The following HNRNPL variants were observed in gnomAD, a reference collection of about 807,000 sequenced individuals.
HNRNPL encodes epididymis secretory sperm binding protein.
A neutral mutation model predicts 64.0 loss-of-function variants in HNRNPL; 12 were observed. The observed-to-expected ratio is 0.19, with a 90% CI of 0.12 to 0.30. The LOEUF is 0.30. Ranked by LOEUF, HNRNPL falls within the 10% of genes least tolerant of loss-of-function variation. HNRNPL has a pLI of 1.00. For missense variants in HNRNPL, 484 were observed against 797.4 expected (o/e 0.61, Z 4.73); for synonymous variants, 385 against 313.0 (o/e 1.23, Z -2.43).
chr19:38,837,032 G>C (rs1028203994), intron 12 of HNRNPL: 2 of 540,300 alleles, frequency 3.7e-6, no homozygotes, highest in Non-Finnish European at 6.6e-6. Flanking sequence ...GCCTCTCCCA[G>C]CAACTGGGTG....
At chr19:38,842,071 T>C (rs1972134212) in intron 6 of HNRNPL, 1 of 130,182 alleles carries the variant, frequency 7.7e-6, no homozygotes, top group South Asian at 2.2e-4. Flanking sequence ...AGGTCTGTTT[T>C]GGTTTTTTTG....
chr19:38,837,435 C>T lies in HNRNPL; in HGVS notation c.1660G>A (p.Asp554Asn), dbSNP rs777969085. 9 of 1,614,230 alleles carry T rather than the reference C, an allele frequency of 5.6e-6. No homozygotes were observed. The South Asian group carries it at 6.6e-5, about 12-fold the overall frequency. ...AGGAAGCCCAGAGTCTCCAGGGCAT[C>T]GCTCTTGGATTCCCACTCCAGCAGT... ...SGLLEWESKS[D>N]ALETLGFLNH... is the part of the protein sequence containing the mutation. Residue 554 changes from aspartate to asparagine, a missense_variant, in exon 12 of 13, where the codon GAT (aspartate) becomes AAT (asparagine). Physicochemically the swap from Asp to Asn is conservative, Grantham distance 23. Coordinates refer to ENST00000221419, the MANE Select transcript of HNRNPL (RefSeq NM_001533.3).
At chr19:38,848,363 G>A (rs917630992) in intron 1 of HNRNPL, among the ~76,000 whole-genome samples, 2 of 152,214 alleles carry the variant, frequency 1.3e-5, no homozygotes, top group Admixed American at 1.3e-4. Flanking sequence ...AAAGTGCTGG[G>A]ATTATAGGCA....
intron 6 of HNRNPL, chr19:38,840,778 G>A (rs952121872): frequency 1.4e-5 from 8 of 568,554 alleles, no homozygotes; most frequent in Middle Eastern, 4.4e-4. Context: ...CATACCAAAG[G>A]GCTGGCCTTG....
At chr19:38,851,845 G>A (rs1235143717), upstream of HNRNPL, among the ~76,000 whole-genome samples, 2 of 152,132 alleles carry the variant, frequency 1.3e-5, no homozygotes, top group Non-Finnish European at 2.9e-5. Context: ...AGGGGAGGGG[G>A]CCTTGCTGGG....
chr19:38,840,865 T>C (rs982139602), intron 6 of HNRNPL: 1 of 413,400 alleles, frequency 2.4e-6, no homozygotes, highest in Admixed American at 4.6e-5. Context: ...CCAGGCCCTC[T>C]GGGGAATGTG....
At chr19:38,840,620 T>C (rs991268339) in intron 6 of HNRNPL, 61 bp from the exon 7 acceptor site, 3 of 1,327,152 alleles carry the variant, frequency 2.3e-6, no homozygotes, top group Admixed American at 2.0e-5. Context: ...CCCTCCCTCC[T>C]GACTGCACAG....
Position 38,849,737 on chromosome 19 carries a change from C to A in HNRNPL, c.230G>T (p.Gly77Val). 3.6e-6 allele frequency: 5 copies of A among 1,388,932 alleles called. No individual in the cohort carries two copies. The highest frequency in any genetic ancestry group is 4.7e-6 in the Non-Finnish European group (5 of 1,073,474). The allele number at this position is 1,388,932 out of a possible 1,614,324, so 86.0% of individuals were successfully genotyped here. ...GCCGCCCGCCGCCCCGGCTCCTCCACCGCCACCGCCGCCGCCTCCGTGCTG... is the reference window on the plus strand; with the variant it reads ...GCCGCCCGCCGCCCCGGCTCCTCCAACGCCACCGCCGCCGCCTCCGTGCTG... ...GDQHGGGGGG[G>V]GGAGAAGGGG... The change falls in exon 1 of 13, where the codon GGT (glycine) becomes GTT (valine). Residue 77 changes from glycine (G) to valine (V), a missense_variant. Physicochemically the swap from Gly to Val is moderately radical, Grantham distance 109 (BLOSUM62 -3). Coordinates refer to ENST00000221419, the MANE Select transcript of HNRNPL (RefSeq NM_001533.3).
chr19:38,844,496 G>A (rs115147985), intron 4 of HNRNPL, among the ~76,000 whole-genome samples: 1,802 of 152,150 alleles, frequency 0.012, 29 homozygotes, highest in African/African-American at 0.039. Flanking sequence ...GCATCGCAAC[G>A]CTGTCTAGGA....
chr19:38,841,319 T>A (rs142420980), intron 6 of HNRNPL: 3 of 342,564 alleles, frequency 8.8e-6, no homozygotes, highest in African/African-American at 6.4e-5. Flanking sequence ...CCCTATGAGG[T>A]AGGTTCTGAT....
upstream of HNRNPL, among the ~76,000 whole-genome samples, chr19:38,851,696 C>T (rs1427125322): frequency 2.0e-5 from 3 of 152,146 alleles, no homozygotes; most frequent in African/African-American, 7.2e-5. Context: ...CCCCGGATTT[C>T]GAGGTTGCAG....
chr19:38,839,061 G>A, intron 8 of HNRNPL, 46 bp from the exon 9 acceptor site: 4 of 1,608,078 alleles, frequency 2.5e-6, no homozygotes, highest in Non-Finnish European at 1.7e-6. Flanking sequence ...AGCTGCCAGG[G>A]TCCCCTCTCC....
chr19:38,845,371 C>G (rs1301674604), intron 4 of HNRNPL: 2 of 391,286 alleles, frequency 5.1e-6, no homozygotes, highest in Admixed American at 4.2e-5. Flanking sequence ...AACTCCATCT[C>G]AATAAATAAA....
Position 38,840,357 on chromosome 19 carries a change from G to A in HNRNPL, c.972C>T (p.Tyr324=), listed in dbSNP as rs778440008. Residue 324 remains tyrosine, a synonymous_variant, in exon 8 of 13, where the codon TAC becomes TAT. Coordinates refer to ENST00000221419, the MANE Select transcript of HNRNPL (RefSeq NM_001533.3). ...PAEYGGPHGG[Y]HSHYHDEGYG... is the part of the protein sequence containing the mutation. The stretch of plus-strand genomic sequence containing the variant: ...AGCCCTCATCATGGTAATGGCTGTG[G>A]TACCCACCGTGGGGCCCTCCTGGGG... The A allele has an allele frequency of 1.9e-6, 3 of 1,552,144 alleles. No individual in the cohort carries two copies. Among genetic ancestry groups the A allele is most frequent in the African/African-American group, 1.4e-5 (1 of 73,066 alleles).
At chr19:38,841,955 G>A (rs1280554003) in intron 6 of HNRNPL, 14 of 331,282 alleles carry the variant, frequency 4.2e-5, no homozygotes, top group Non-Finnish European at 7.1e-5. Flanking sequence ...CTGGTATGAG[G>A]TGTGCCAGTG....
intron 1 of HNRNPL, among the ~76,000 whole-genome samples, chr19:38,848,023 G>A (rs862456): frequency 0.85 from 128,677 of 152,102 alleles, 54,675 homozygotes; most frequent in Middle Eastern, 0.92. Context: ...GTCTTGAATC[G>A]CCCTCCCACC....
chr19:38,841,794 A>G, intron 6 of HNRNPL: 1 of 463,880 alleles, frequency 2.2e-6, no homozygotes, highest in South Asian at 1.6e-5. Context: ...AAAATGGCTC[A>G]CAGATGTTCT....
intron 10 of HNRNPL, 133 bp downstream of exon 10, chr19:38,838,264 T>C: frequency 1.5e-6 from 1 of 679,746 alleles, no homozygotes; most frequent in Admixed American, 2.6e-5. Flanking sequence ...GCCTCTGCTG[T>C]GTCCCTAGCA....
intron 4 of HNRNPL, 31 bp from the exon 5 acceptor site, chr19:38,844,135 G>A (rs1972205365): frequency 1.4e-6 from 2 of 1,446,434 alleles, no homozygotes; most frequent in Non-Finnish European, 9.7e-7. Flanking sequence ...TCCCATCACA[G>A]GAGATCTTTG....
Sources: gnomAD v4.1 joint callset for allele counts (sites outside exome capture counted in the v4.1 genomes callset) on GRCh38, gnomAD v4.1.1 for gene constraint, MANE v1.5 for transcripts, NCBI Gene and HGNC (gene_info 2026-07-23, HGNC 2026-07-21) for gene names.